Variants in PSMA7 observed in about 807,000 individuals in gnomAD.
The protein encoded by PSMA7 is proteasome 20S subunit alpha 7, also known as proteasome subunit alpha type-7.
In PSMA7, 5 loss-of-function variants were observed where a neutral mutation model predicts 31.3. The ratio of observed to expected loss-of-function variants is 0.16; its 90% CI spans 0.08 to 0.34. The LOEUF is 0.34. Among genes scored for constraint, PSMA7 ranks in the 10% least tolerant of loss-of-function variants. The pLI is 1.00. For synonymous variants in PSMA7, 155 were observed against 121.9 expected (o/e 1.27, Z -1.79); for missense variants, 217 against 327.5 (o/e 0.66, Z 2.60).
At position 62,137,388 on chromosome 20, in the gene PSMA7, G is replaced by A. The variant is rs1295182046; in HGVS notation, c.630C>T (p.Val210=). The A allele has an allele frequency of 1.2e-6, 2 of 1,614,168 alleles. No homozygotes were observed. Among genetic ancestry groups the A allele is most frequent in the South Asian group, 1.1e-5 (1 of 91,076 alleles). The change falls in exon 6 of 7, where the codon GTC becomes GTT. Residue 210 remains valine, a synonymous_variant. Transcript: ENST00000370873. ...CCTTGAGGGATTGATCTCGCCTCATGACAGCAAGTTCAATGTTTTTGCCAC... is the reference window on the plus strand; with the variant it reads ...CCTTGAGGGATTGATCTCGCCTCATAACAGCAAGTTCAATGTTTTTGCCAC... ...QSGGKNIELA[V]MRRDQSLKIL...
At position 62,137,191 on chromosome 20, in the gene PSMA7, T is replaced by A. The variant is rs556195210; in HGVS notation, c.654+173A>T. On this transcript the variant is annotated intron_variant, in intron 6 of 6. Coordinates refer to ENST00000370873, the MANE Select transcript of PSMA7 (RefSeq NM_002792.4). ...CAGAGAACACGCGTGGACCATCTAA[T>A]CAGAGGAAGATGGGAATCTTCTCTT... is the stretch of plus-strand genomic sequence containing the variant. 2.6e-5 allele frequency among the ~76,000 whole-genome samples: 4 copies of A among 152,316 alleles called. No homozygotes were observed. In the South Asian group the frequency reaches 6.2e-4, roughly 24 times the overall value.
chr20:62,143,077 G>T (rs962786993), intron 1 of PSMA7, 131 bp downstream of exon 1: 6 of 365,680 alleles, frequency 1.6e-5, no homozygotes, highest in African/African-American at 1.1e-4. Context: ...CTACAGCCCT[G>T]ACCGCCCGCG....
intron 4 of PSMA7, among the ~76,000 whole-genome samples, chr20:62,138,578 G>A (rs1382100574): frequency 2.1e-5 from 3 of 143,922 alleles, no homozygotes; most frequent in African/African-American, 7.9e-5. Flanking sequence ...TTTTGAGGTA[G>A]AGTTTTGCTC....
At chr20:62,139,731 C>G (rs879384570) in intron 3 of PSMA7, 50 bp downstream of exon 3, 6 of 1,613,500 alleles carry the variant, frequency 3.7e-6, no homozygotes, top group Non-Finnish European at 4.2e-6. Flanking sequence ...ATGGCGGAGC[C>G]GTGACTGCCC....
intron 1 of PSMA7, among the ~76,000 whole-genome samples, chr20:62,142,871 G>A (rs1162059874): frequency 1.3e-5 from 2 of 151,306 alleles, no homozygotes; most frequent in African/African-American, 4.8e-5. Flanking sequence ...TGCTCGCCGG[G>A]GCGGCGGCGC....
In PSMA7 at chr20:62,140,041, G is replaced by A. The variant is rs575241138; in HGVS notation, c.224-136C>T. 423 of 1,210,484 alleles carry A rather than the reference G, an allele frequency of 3.5e-4. 5 individuals are homozygous for A. Among genetic ancestry groups the A allele is most frequent in the South Asian group, 3.3e-3 (215 of 65,720 alleles). 75.0% of individuals were successfully genotyped at this position (1,210,484 alleles called of 1,614,324 possible). A position where few individuals can be genotyped will look rare whatever the true frequency, so the allele number is the denominator to read the frequency against. ...AAGGCTATTCTAACTGACTGGCAGC[G>A]GAACCTATCAGCCCCTGGGAACTTC... is the stretch of plus-strand genomic sequence containing the variant. On this transcript the variant is annotated intron_variant, in intron 2 of 6. Transcript: ENST00000370873.
At chr20:62,139,992 CCA>C in intron 2 of PSMA7, 87 bp from the exon 3 acceptor site, 4 of 1,483,812 alleles carry the variant, frequency 2.7e-6, no homozygotes, top group Non-Finnish European at 3.6e-6. Flanking sequence ...ATTTAACCTT[CCA>C]CAGACCCCCC....
At chr20:62,142,170 T>TA (rs1364836424) in intron 1 of PSMA7, among the ~76,000 whole-genome samples, 4 of 152,180 alleles carry the variant, frequency 2.6e-5, no homozygotes, top group African/African-American at 9.7e-5. Flanking sequence ...CTGGGAGCTT[T>TA]CTCAGGTACT....
At chr20:62,137,492 G>A (rs1336267023) in intron 5 of PSMA7, 66 bp from the exon 6 acceptor site, 1 of 1,497,420 alleles carries the variant, frequency 6.7e-7, no homozygotes, top group South Asian at 1.1e-5. Context: ...CAGCTCTCAG[G>A]AGTACCTTAA....
At chr20:62,137,572 T>C in intron 5 of PSMA7, 146 bp from the exon 6 acceptor site, 1 of 754,870 alleles carries the variant, frequency 1.3e-6, no homozygotes, top group East Asian at 2.5e-5. Context: ...TGTGTCTTTG[T>C]CCTAAACTCA....
At chr20:62,138,394 C>T in intron 4 of PSMA7, 104 bp from the exon 5 acceptor site, 5 of 1,453,746 alleles carry the variant, frequency 3.4e-6, no homozygotes, top group Non-Finnish European at 4.6e-6. Flanking sequence ...GTGGCAGTGG[C>T]AGGAGGCAAG....
At position 62,137,361 on chromosome 20, in the gene PSMA7, T is replaced by C; in HGVS notation, c.654+3A>G. Reference sequence around the variant, plus strand: ...AAAGAAAGCAGACAAACTTGGTGATTACCTTGAGGGATTGATCTCGCCTCA... The same window carrying C: ...AAAGAAAGCAGACAAACTTGGTGATCACCTTGAGGGATTGATCTCGCCTCA... On this transcript the variant is annotated splice_donor_region_variant and intron_variant, in intron 6 of 6. Coordinates refer to ENST00000370873, the MANE Select transcript of PSMA7 (RefSeq NM_002792.4). 1 of 1,614,058 alleles carries C rather than the reference T, an allele frequency of 6.2e-7. No homozygotes were observed. The highest frequency in any genetic ancestry group is 8.5e-7 in the Non-Finnish European group (1 of 1,179,930).
rs1229393242 is a variant in PSMA7, at chr20:62,143,324, C to A, written c.-21G>T. ...CTCATGCCGGCGGGCGGCGGCCGGG[C>A]TCCTTCCGCCGCGACTCTCAAAAGC... On this transcript the variant is annotated 5_prime_UTR_variant, in exon 1 of 7. Transcript: ENST00000370873. 9 of 1,365,454 alleles carry A rather than the reference C, an allele frequency of 6.6e-6. No individual in the cohort carries two copies. The highest frequency in any genetic ancestry group is 6.8e-5 in the East Asian group (2 of 29,370). 84.6% of individuals were successfully genotyped at this position (1,365,454 alleles called of 1,614,324 possible). A position where few individuals can be genotyped will look rare whatever the true frequency, so the allele number is the denominator to read the frequency against.
rs2056913357 is a variant in PSMA7, at chr20:62,139,296, T to C, written c.349-99A>G. ...AGATACGAACATTTTAAACCATGCCTGAGCCCCTTCTCAGGTTATCAGCAG... is the reference window on the plus strand; with the variant it reads ...AGATACGAACATTTTAAACCATGCCCGAGCCCCTTCTCAGGTTATCAGCAG... On this transcript the variant is annotated intron_variant, in intron 3 of 6. Transcript: ENST00000370873. 2.1e-6 allele frequency: 3 copies of C among 1,431,336 alleles called. No homozygotes were observed. In the African/African-American group the frequency reaches 4.3e-5, roughly 20 times the overall value. The allele number at this position is 1,431,336 out of a possible 1,614,324, so 88.7% of individuals were successfully genotyped here. A position where few individuals can be genotyped will look rare whatever the true frequency, so the allele number is the denominator to read the frequency against.
chr20:62,141,061 A>G (rs2056924737), intron 1 of PSMA7, 117 bp from the exon 2 acceptor site: 1 of 1,298,796 alleles, frequency 7.7e-7, no homozygotes, highest in Admixed American at 1.8e-5. Context: ...CTTAAATTCA[A>G]GAGTTCAAGA....
At chr20:62,142,956 G>A (rs1376363101) in intron 1 of PSMA7, among the ~76,000 whole-genome samples, 4 of 150,170 alleles carry the variant, frequency 2.7e-5, no homozygotes, top group African/African-American at 9.7e-5. Flanking sequence ...GGCCCCACGC[G>A]AGGCCGGGCC....
Position 62,140,809 on chromosome 20 carries a change from G to T in PSMA7, c.223+9C>A. 1 of 1,613,820 alleles carries T rather than the reference G, an allele frequency of 6.2e-7. No individual in the cohort carries two copies. Among genetic ancestry groups the T allele is most frequent in the South Asian group, 1.1e-5 (1 of 91,056 alleles). On this transcript the variant is annotated intron_variant, in intron 2 of 6. Coordinates refer to ENST00000370873, the MANE Select transcript of PSMA7 (RefSeq NM_002792.4). ...AGAGAGTAAGACAGCGCTCCCCACC[G>T]ACTCATACCTGCAAAGGCCATGCAG...
chr20:62,141,498 G>C (rs959158685), intron 1 of PSMA7, among the ~76,000 whole-genome samples: 4 of 152,244 alleles, frequency 2.6e-5, no homozygotes, highest in Non-Finnish European at 5.9e-5. Flanking sequence ...TGCTCACCTA[G>C]GTGCCCAACC....
Position 62,138,258 on chromosome 20 carries a change from C to T in PSMA7, c.504G>A (p.Val168=). 3 of 1,613,276 alleles carry T rather than the reference C, an allele frequency of 1.9e-6. No individual in the cohort carries two copies. The highest frequency in any genetic ancestry group is 2.2e-5 in the East Asian group (1 of 44,866). ...TATAGTTCTTCTCCAGGAACTCGCGCACTGACTTGGCACCCCGACCTATGG... is the reference window on the plus strand; with the variant it reads ...TATAGTTCTTCTCCAGGAACTCGCGTACTGACTTGGCACCCCGACCTATGG... ...ANAIGRGAKS[V]REFLEKNYTD... The change falls in exon 5 of 7, where the codon GTG becomes GTA. Residue 168 remains valine (V), a synonymous_variant. Coordinates refer to ENST00000370873, the MANE Select transcript of PSMA7 (RefSeq NM_002792.4).
Sources: gnomAD v4.1 joint callset for allele counts (sites outside exome capture counted in the v4.1 genomes callset) on GRCh38, gnomAD v4.1.1 for gene constraint, MANE v1.5 for transcripts, NCBI Gene and HGNC (gene_info 2026-07-23, HGNC 2026-07-21) for gene names.